The following DENND2B variants were observed in gnomAD, a reference collection of about 807,000 sequenced individuals.
DENND2B encodes the protein DENN domain-containing protein 2B.
A neutral mutation model predicts 116.0 loss-of-function variants in DENND2B; 32 were observed. The ratio of observed to expected loss-of-function variants is 0.28; its 90% CI spans 0.21 to 0.37. DENND2B has a LOEUF of 0.37. Ranked by LOEUF, DENND2B falls within the 10% of genes least tolerant of loss-of-function variation. The pLI is 1.00. For missense variants in DENND2B, 1,276 were observed against 1,477.7 expected (o/e 0.86, Z 2.24); for synonymous variants, 588 against 583.9 (o/e 1.01, Z -0.10).
chr11:8,700,064 T>TGG (rs36089509), intron 14 of DENND2B: 157 of 443,410 alleles, frequency 3.5e-4, no homozygotes, highest in South Asian at 1.2e-3. Context: ...GGAGCTGGCC[T>TGG]GGGGGGGGGC....
intron 4 of DENND2B, among the ~76,000 whole-genome samples, chr11:8,837,961 A>G (rs998190771): frequency 6.6e-6 from 1 of 152,206 alleles, no homozygotes; most frequent in Non-Finnish European, 1.5e-5. Context: ...AACCCGCAGA[A>G]GGCTAAGCCT....
In DENND2B at chr11:8,766,557, C is replaced by T. The variant is rs138219621; in HGVS notation, c.-25-15832G>A. ...CAAAGAGACAGGGAGCAATGGGAACCAAGGAGAGGGCTTCCACTGACAGAC... is the reference window on the plus strand; with the variant it reads ...CAAAGAGACAGGGAGCAATGGGAACTAAGGAGAGGGCTTCCACTGACAGAC... On this transcript the variant is annotated intron_variant, in intron 1 of 19. Coordinates refer to ENST00000313726, the MANE Select transcript of DENND2B (RefSeq NM_213618.2). 2.7e-4 allele frequency: 321 copies of T among 1,210,740 alleles called. 2 individuals carry two copies. In the East Asian group the frequency reaches 0.014, roughly 53 times the overall value. The allele number at this position is 1,210,740 out of a possible 1,614,324, so 75.0% of individuals were successfully genotyped here.
chr11:8,773,502 C>T (rs1170971196), intron 1 of DENND2B, among the ~76,000 whole-genome samples: 3 of 152,176 alleles, frequency 2.0e-5, no homozygotes. Context: ...GCTAAAGATC[C>T]TCCCCACACC....
At chr11:8,710,035 C>CTGAA (rs1304117291) in intron 11 of DENND2B, among the ~76,000 whole-genome samples, 2 of 152,174 alleles carry the variant, frequency 1.3e-5, no homozygotes, top group Admixed American at 1.3e-4. Context: ...ATAAGTGTTT[C>CTGAA]TGAATGAATG....
chr11:8,879,972 C>G (rs2134725837), intron 2 of DENND2B, among the ~76,000 whole-genome samples: 1 of 152,288 alleles, frequency 6.6e-6, no homozygotes, highest in East Asian at 1.9e-4. Context: ...AACATTTGTA[C>G]AGTCAGAGTT....
intron 1 of DENND2B, chr11:8,794,868 G>A (rs1042955218): frequency 6.6e-6 from 1 of 152,284 alleles, no homozygotes; most frequent in Admixed American, 6.5e-5. Flanking sequence ...TCTTCCAGGT[G>A]TTCTCAGCCT....
intron 1 of DENND2B, among the ~76,000 whole-genome samples, chr11:8,909,378 AAAG>A (rs1173136670): frequency 1.6e-4 from 24 of 152,046 alleles, no homozygotes; most frequent in South Asian, 6.3e-4. Context: ...ATTAAACAAA[AAAG>A]AAGAAGAAGG....
At chr11:8,832,213 G>A (rs1033516119) in intron 4 of DENND2B, among the ~76,000 whole-genome samples, 2 of 152,072 alleles carry the variant, frequency 1.3e-5, no homozygotes, top group Non-Finnish European at 2.9e-5. Flanking sequence ...AGCACTATTG[G>A]AAGCCGAGGT....
chr11:8,795,751 G>A (rs2059759007), intron 1 of DENND2B, among the ~76,000 whole-genome samples: 1 of 152,090 alleles, frequency 6.6e-6, no homozygotes, highest in Admixed American at 6.5e-5. Flanking sequence ...CCTGCTTCCT[G>A]GGGAAAGTGA....
chr11:8,737,388 A>G (rs962198845), intron 2 of DENND2B, among the ~76,000 whole-genome samples: 7 of 152,212 alleles, frequency 4.6e-5, no homozygotes, highest in African/African-American at 1.7e-4. Context: ...CACTTAAGAA[A>G]CAGGGAGTGA....
intron 1 of DENND2B, among the ~76,000 whole-genome samples, chr11:8,762,460 AC>A (rs1465928402): frequency 3.3e-5 from 5 of 152,214 alleles, no homozygotes; most frequent in Non-Finnish European, 5.9e-5. Context: ...ACTTACAGCA[AC>A]CACAACCACT....
At position 8,892,522 on chromosome 11, in the gene DENND2B, A is replaced by G. The variant is rs955171930; in HGVS notation, c.-255-11413T>C. 1.0e-3 allele frequency among the ~76,000 whole-genome samples: 157 copies of G among 152,328 alleles called. 2 individuals are homozygous for G. The highest frequency in any genetic ancestry group is 2.4e-3 in the Admixed American group (37 of 15,304). On this transcript the variant is annotated intron_variant, in intron 1 of 22. Coordinates refer to the DENND2B transcript ENST00000534127. ...TAGCAAGACTAATAAAGAAGACAAG[A>G]GAGAAGAATCAAATAGACACAATAA...
At chr11:8,718,104 A>ACCCCCCC in intron 4 of DENND2B, 1 of 54,770 alleles carries the variant, frequency 1.8e-5, no homozygotes, top group Non-Finnish European at 3.3e-5. Context: ...CCACCCCCCC[A>ACCCCCCC]CCCCCCCCAA....
At chr11:8,783,098 A>G (rs1016862291) in intron 1 of DENND2B, among the ~76,000 whole-genome samples, 1 of 135,274 alleles carries the variant, frequency 7.4e-6, no homozygotes, top group African/African-American at 2.8e-5. Context: ...TCTATTGCCC[A>G]GATTGGAGTG....
intron 4 of DENND2B, among the ~76,000 whole-genome samples, chr11:8,724,211 G>A (rs2046684711): frequency 6.6e-6 from 1 of 151,978 alleles, no homozygotes; most frequent in Admixed American, 6.5e-5. Context: ...CAGAAGAATG[G>A]CATGAACCCG....
Position 8,810,650 on chromosome 11 carries a change from T to C in DENND2B, c.-159A>G, listed in dbSNP as rs932719605. The C allele has an allele frequency of 1.3e-5, 2 of 152,278 alleles. No individual in the cohort carries two copies. Among genetic ancestry groups the C allele is most frequent in the African/African-American group, 4.8e-5 (2 of 41,458 alleles). 9.4% of individuals were successfully genotyped at this position (152,278 alleles called of 1,614,324 possible). A position where few individuals can be genotyped will look rare whatever the true frequency, so the allele number is the denominator to read the frequency against. ...TCCCACAGCTCCTTCCTCTGACCTTTCGTGGCGCTCCTCGCAGCCAAGTGA... is the reference window on the plus strand; with the variant it reads ...TCCCACAGCTCCTTCCTCTGACCTTCCGTGGCGCTCCTCGCAGCCAAGTGA... On this transcript the variant is annotated 5_prime_UTR_variant, in exon 1 of 20. Transcript: ENST00000313726.
chr11:8,716,626 A>AAGAGTCCT (rs1193700778), intron 5 of DENND2B, among the ~76,000 whole-genome samples: 1 of 151,638 alleles, frequency 6.6e-6, no homozygotes, highest in Non-Finnish European at 1.5e-5. Flanking sequence ...CCTGTTTGAA[A>AAGAGTCCT]AGAGTCCTAA....
rs2041835883 is a variant in DENND2B, at chr11:8,702,213, G to A, written c.2720+359C>T. Among the ~76,000 whole-genome samples, 1 of 152,128 alleles carries A rather than the reference G, an allele frequency of 6.6e-6. No homozygotes were observed. Among genetic ancestry groups the A allele is most frequent in the South Asian group, 2.1e-4 (1 of 4,830 alleles). On this transcript the variant is annotated intron_variant, in intron 14 of 19. Transcript: ENST00000313726. This position sits in a 1 kb window ranked among gnomAD's most constrained non-coding sequence, Gnocchi z 4.6. ...CTCAGCATCCCATTGAGATGGCTTT[G>A]CCTCCCCCTCCAGAAGAAATGCAAC...
At chr11:8,885,135 TG>T (rs2063946448) in intron 1 of DENND2B, among the ~76,000 whole-genome samples, 1 of 152,234 alleles carries the variant, frequency 6.6e-6, no homozygotes, top group Non-Finnish European at 1.5e-5. Context: ...CTCTGATCCA[TG>T]GCCTTGTTGT....
Sources: allele counts gnomAD v4.1 joint callset (sites outside exome capture counted in the v4.1 genomes callset), GRCh38; gene constraint gnomAD v4.1.1; non-coding constraint Gnocchi (gnomAD v3.1); transcripts MANE v1.5; gene names NCBI Gene and HGNC (gene_info 2026-07-23, HGNC 2026-07-21).